MYO16: variants seen among roughly 807,000 people sequenced by gnomAD.
The protein encoded by MYO16 is unconventional myosin-XVI.
Under a neutral mutation model 205.3 loss-of-function variants are expected in MYO16, and 94 were observed. That is an observed-to-expected ratio of 0.46 (90% CI 0.39 to 0.54). The LOEUF (loss-of-function observed/expected upper bound fraction) is 0.54. MYO16 is among the 20% of genes least tolerant of loss of function. The pLI, the probability that MYO16 is intolerant of heterozygous loss-of-function variation, is 0.00. For synonymous variants in MYO16, 988 were observed against 954.0 expected, an observed-to-expected ratio of 1.04 and a Z score of -0.66; for missense variants, 2,315 against 2,387.5, an observed-to-expected ratio of 0.97 and a Z score of 0.63.
the MYO16 span, among the ~76,000 whole-genome samples, chr13:108,547,008 C>A: frequency 1.3e-5 from 2 of 152,042 alleles, no homozygotes; most frequent in Non-Finnish European, 2.9e-5. Flanking sequence ...TACGGTGGCT[C>A]ACCCCTGTAA....
At chr13:108,665,021 C>A (rs2139431267) in intron 1 of MYO16, among the ~76,000 whole-genome samples, 1 of 152,256 alleles carries the variant, frequency 6.6e-6, no homozygotes, top group East Asian at 1.9e-4. Context: ...ATGAATGTCA[C>A]TGATGATGAG....
chr13:108,587,127 G>T, the MYO16 span, among the ~76,000 whole-genome samples: 1 of 152,142 alleles, frequency 6.6e-6, no homozygotes, highest in South Asian at 2.1e-4. Context: ...TATGTAGCAG[G>T]GAAGAAATGT....
intron 16 of MYO16, among the ~76,000 whole-genome samples, chr13:108,936,841 TTACATTCAAG>T (rs1882512219): frequency 6.6e-6 from 1 of 152,198 alleles, no homozygotes; most frequent in Admixed American, 6.5e-5. Flanking sequence ...TTTAGACTAT[TTACATTCAAG>T]GTTAATATTG....
intron 34 of MYO16, among the ~76,000 whole-genome samples, chr13:109,203,291 C>A (rs1016069600): frequency 6.6e-6 from 1 of 152,206 alleles, no homozygotes; most frequent in Non-Finnish European, 1.5e-5. Flanking sequence ...TCTTCACAAT[C>A]TATACATCTG....
intron 22 of MYO16, among the ~76,000 whole-genome samples, chr13:109,015,501 C>T (rs1475910959): frequency 6.6e-6 from 1 of 152,172 alleles, no homozygotes; most frequent in Non-Finnish European, 1.5e-5. Flanking sequence ...TGGATTCCCT[C>T]TTTTTCTATT....
At chr13:109,023,874 T>G (rs1287390735) in intron 23 of MYO16, among the ~76,000 whole-genome samples, 1 of 138,740 alleles carries the variant, frequency 7.2e-6, no homozygotes, top group East Asian at 2.1e-4. Context: ...TTTATTAAAT[T>G]TTATTAAATA....
chr13:108,844,460 C>T lies in MYO16; in HGVS notation c.1215C>T (p.Asn405=), dbSNP rs1250459513. The T allele has an allele frequency of 6.2e-6, 10 of 1,611,452 alleles. No individual in the cohort carries two copies. Among genetic ancestry groups the T allele is most frequent in the Admixed American group, 1.7e-5 (1 of 59,914 alleles). Reference sequence around the variant, plus strand: ...AGTCTCAGGACAGCATCCCTGAAAACCCCATGATGAGCGGTTCCACCAAAC... The same window carrying T: ...AGTCTCAGGACAGCATCCCTGAAAATCCCATGATGAGCGGTTCCACCAAAC... The part of the protein sequence containing the change: ...KQQSQDSIPE[N]PMMSGSTKPE... The change falls in exon 10 of 35, where the codon AAC becomes AAT. Residue 405 remains asparagine (N), a synonymous_variant. Transcript: ENST00000457511.
At chr13:108,677,335 G>GTATA (rs747613453) in intron 2 of MYO16, among the ~76,000 whole-genome samples, 5 of 87,482 alleles carry the variant, frequency 5.7e-5, no homozygotes, top group South Asian at 2.9e-4. Flanking sequence ...GTGTGTGTGT[G>GTATA]TATATATATA....
At chr13:108,580,218 C>A in the MYO16 span, among the ~76,000 whole-genome samples, 1 of 152,168 alleles carries the variant, frequency 6.6e-6, no homozygotes, top group Non-Finnish European at 1.5e-5. Flanking sequence ...TTTTCCTATA[C>A]AGCATCTACA....
chr13:108,812,888 A>T (rs2138998028), intron 7 of MYO16, among the ~76,000 whole-genome samples: 1 of 152,302 alleles, frequency 6.6e-6, no homozygotes, highest in South Asian at 2.1e-4. Flanking sequence ...TTAATGGGGC[A>T]TCTTGAAAGA....
At chr13:108,649,205 C>T (rs1303356320) in intron 1 of MYO16, among the ~76,000 whole-genome samples, 1 of 148,460 alleles carries the variant, frequency 6.7e-6, no homozygotes, top group African/African-American at 2.6e-5. Flanking sequence ...GCACATGTCC[C>T]CTAAAACTTA....
In MYO16 at chr13:108,837,867, AT is replaced by A. The variant is rs959467986; in HGVS notation, c.1098-6468del. 2.8e-3 allele frequency among the ~76,000 whole-genome samples: 432 copies of A among 152,064 alleles called. 6 individuals are homozygous for A. The highest frequency in any genetic ancestry group is 9.1e-3 in the African/African-American group (377 of 41,496). On this transcript the variant is annotated intron_variant, in intron 9 of 34. Coordinates refer to ENST00000457511, the MANE Select transcript of MYO16 (RefSeq NM_001198950.3). ...TCTAAAGAAATCTTTCTACTTGGTG[AT>A]TTTTTTTGTACTTCATAAACTATCT... is the stretch of plus-strand genomic sequence containing the variant.
chr13:109,138,562 T>C (rs1300259480), intron 31 of MYO16, among the ~76,000 whole-genome samples: 1 of 152,148 alleles, frequency 6.6e-6, no homozygotes, highest in East Asian at 1.9e-4. Flanking sequence ...CTTGTAATAA[T>C]ATTATGCTCA....
chr13:109,205,756 G>A (rs1385006467), intron 34 of MYO16, among the ~76,000 whole-genome samples: 2 of 152,154 alleles, frequency 1.3e-5, no homozygotes, highest in Admixed American at 6.5e-5. Flanking sequence ...TCTGCAGGGT[G>A]TCTCTCTTCA....
chr13:108,847,377 T>C lies in MYO16; in HGVS notation c.1248+2884T>C, dbSNP rs192291486. Reference sequence around the variant, plus strand: ...AATATTCACCCAGTAATATGCCGCATGGTATCCATCATGTTCTCATATGTT... The same window carrying C: ...AATATTCACCCAGTAATATGCCGCACGGTATCCATCATGTTCTCATATGTT... On this transcript the variant is annotated intron_variant, in intron 10 of 34. Coordinates refer to ENST00000457511, the MANE Select transcript of MYO16 (RefSeq NM_001198950.3). Among the ~76,000 whole-genome samples, 508 of 152,324 alleles carry C rather than the reference T, an allele frequency of 3.3e-3. 2 individuals are homozygous for C. The highest frequency in any genetic ancestry group is 0.011 in the African/African-American group (455 of 41,584).
intron 2 of MYO16, among the ~76,000 whole-genome samples, chr13:108,666,615 T>G (rs114099891): frequency 0.011 from 1,643 of 152,254 alleles, 32 homozygotes; most frequent in African/African-American, 0.038. Flanking sequence ...TTGTTTTTCC[T>G]GATGATGATT....
intron 30 of MYO16, among the ~76,000 whole-genome samples, chr13:109,126,658 C>T (rs1176986535): frequency 6.6e-6 from 1 of 152,140 alleles, no homozygotes; most frequent in African/African-American, 2.4e-5. Context: ...TTACTGAATA[C>T]CAGCAGTTTA....
intron 27 of MYO16, among the ~76,000 whole-genome samples, chr13:109,091,339 G>C (rs867048866): frequency 2.0e-5 from 3 of 152,236 alleles, no homozygotes; most frequent in Non-Finnish European, 4.4e-5. Context: ...TGTAGACATT[G>C]TGTGTATTTC....
At chr13:108,521,699 G>A in the MYO16 span, among the ~76,000 whole-genome samples, 1 of 152,050 alleles carries the variant, frequency 6.6e-6, no homozygotes, top group African/African-American at 2.4e-5. Context: ...AAGTAGCTTT[G>A]CTTGTAAATG....
Sources: allele counts gnomAD v4.1 joint callset (sites outside exome capture counted in the v4.1 genomes callset), GRCh38; gene constraint gnomAD v4.1.1; transcripts MANE v1.5; gene names NCBI Gene and HGNC (gene_info 2026-07-23, HGNC 2026-07-21).